TTC7B: variants seen among roughly 807,000 people sequenced by gnomAD.
TTC7B encodes the protein tetratricopeptide repeat protein 7B.
A neutral mutation model predicts 106.8 loss-of-function variants in TTC7B; 28 were observed. The observed-to-expected ratio is 0.26, with a 90% CI of 0.19 to 0.36. The LOEUF is 0.36. Among genes scored for constraint, TTC7B ranks in the 10% least tolerant of loss-of-function variants. TTC7B has a pLI of 1.00. For synonymous variants in TTC7B, 405 were observed against 430.6 expected, an observed-to-expected ratio of 0.94 and a Z score of 0.74; for missense variants, 862 against 1,076.4, an observed-to-expected ratio of 0.80 and a Z score of 2.79.
chr14:90,811,809 C>T (rs761328217), intron 1 of TTC7B, among the ~76,000 whole-genome samples: 3 of 152,186 alleles, frequency 2.0e-5, no homozygotes, highest in Non-Finnish European at 2.9e-5. Flanking sequence ...TGAACTCAGT[C>T]GCCGAGCTTG....
intron 19 of TTC7B, among the ~76,000 whole-genome samples, chr14:90,568,927 A>G (rs1475701505): frequency 1.3e-5 from 2 of 152,186 alleles, no homozygotes; most frequent in Non-Finnish European, 2.9e-5. Context: ...GATGTGAGGA[A>G]ATAGCTTACA....
At position 90,641,543 on chromosome 14, in the gene TTC7B, G is replaced by A. The variant is rs539957849; in HGVS notation, c.1751+2505C>T. 5.9e-5 allele frequency among the ~76,000 whole-genome samples: 9 copies of A among 152,372 alleles called. 1 individual carries two copies. In the East Asian group the frequency reaches 1.5e-3, roughly 26 times the overall value. On this transcript the variant is annotated intron_variant, in intron 15 of 19. Transcript: ENST00000328459. ...TTGGGAAGAAACCATGGGATCCACT[G>A]ATTACATCTGGCCCCAACTTTTAAT...
chr14:90,539,118 T>A lies in TTC7B; in HGVS notation c.*2250A>T, dbSNP rs890195343. The A allele has an allele frequency of 6.6e-6, 1 of 152,232 alleles. No homozygotes were observed. The highest frequency in any genetic ancestry group is 1.5e-5 in the Non-Finnish European group (1 of 68,068). 9.4% of individuals were successfully genotyped at this position (152,232 alleles called of 1,614,324 possible). A position where few individuals can be genotyped will look rare whatever the true frequency, so the allele number is the denominator to read the frequency against. On this transcript the variant is annotated 3_prime_UTR_variant, in exon 20 of 20. Coordinates refer to ENST00000328459, the MANE Select transcript of TTC7B (RefSeq NM_001010854.2). The stretch of plus-strand genomic sequence containing the variant: ...CACTGATACTGGGGAGCTGGAGGGC[T>A]CTGGTTGTTAAGGCTGGGCCCATGT...
chr14:90,782,972 A>G (rs192702048), intron 2 of TTC7B, among the ~76,000 whole-genome samples: 115 of 152,352 alleles, frequency 7.5e-4, no homozygotes, highest in Middle Eastern at 6.8e-3. Context: ...AACAAAAGCA[A>G]ACTGGAGAGC....
intron 19 of TTC7B, among the ~76,000 whole-genome samples, chr14:90,574,383 C>T (rs572175456): frequency 2.0e-4 from 31 of 152,332 alleles, no homozygotes; most frequent in African/African-American, 7.2e-4. Context: ...ATGCTGCTCC[C>T]GTAATACCTG....
At chr14:90,796,041 G>A (rs1256370759) in intron 1 of TTC7B, among the ~76,000 whole-genome samples, 1 of 152,056 alleles carries the variant, frequency 6.6e-6, no homozygotes, top group African/African-American at 2.4e-5. Context: ...GCGTTTGAAC[G>A]CAGGCAGTCT....
intron 19 of TTC7B, among the ~76,000 whole-genome samples, chr14:90,566,275 C>A (rs933886809): frequency 5.3e-5 from 8 of 151,266 alleles, no homozygotes; most frequent in Non-Finnish European, 1.0e-4. Context: ...ACCTGGGAGG[C>A]GGAGGTTGCA....
chr14:90,786,397 G>A lies in TTC7B; in HGVS notation c.122-69C>T, dbSNP rs923915307. On this transcript the variant is annotated intron_variant, in intron 1 of 19. Transcript: ENST00000328459. ...TGCATGTAGGACCCCCTCACTCAAG[G>A]GACCCCAGAACCACCACCCTCCGAG... 1.4e-5 allele frequency: 23 copies of A among 1,586,586 alleles called. 1 individual carries two copies. Among genetic ancestry groups the A allele is most frequent in the South Asian group, 1.1e-4 (10 of 88,718 alleles).
chr14:90,648,861 A>G (rs1268621698), intron 13 of TTC7B: 2 of 152,220 alleles, frequency 1.3e-5, no homozygotes, highest in African/African-American at 4.8e-5. Context: ...ATCTTCTTTC[A>G]CAAATAATAA....
At chr14:90,568,653 C>T (rs1890894466) in intron 19 of TTC7B, among the ~76,000 whole-genome samples, 1 of 152,172 alleles carries the variant, frequency 6.6e-6, no homozygotes, top group African/African-American at 2.4e-5. Flanking sequence ...CCATGCCTCC[C>T]TGGCCAGCAC....
At chr14:90,780,083 T>C (rs895631742) in intron 3 of TTC7B, among the ~76,000 whole-genome samples, 5 of 152,190 alleles carry the variant, frequency 3.3e-5, no homozygotes, top group African/African-American at 1.2e-4. Flanking sequence ...ATACTACTTA[T>C]CAAGAAACTT....
In TTC7B at chr14:90,807,983, TAGA is replaced by T. The variant is rs2030702539; in HGVS notation, c.121+8189_121+8191del. On this transcript the variant is annotated intron_variant, in intron 1 of 19. Transcript: ENST00000328459. The surrounding 1 kb of genome is among the most constrained non-coding windows in gnomAD (Gnocchi z 4.1). The stretch of plus-strand genomic sequence containing the variant: ...TCAGTTTAGAAAAACATTAGTGTAA[TAGA>T]AGAACAGTGAAACTAGTTGGAAGTG... Among the ~76,000 whole-genome samples the T allele has an allele frequency of 6.6e-6, 1 of 152,208 alleles. No homozygotes were observed. The highest frequency in any genetic ancestry group is 1.5e-5 in the Non-Finnish European group (1 of 68,036).
intron 1 of TTC7B, among the ~76,000 whole-genome samples, chr14:90,796,749 C>G (rs72695564): frequency 0.042 from 6,456 of 152,240 alleles, 186 homozygotes; most frequent in Non-Finnish European, 0.058. Flanking sequence ...CTGCAGCTGG[C>G]ATCCAGGAGG....
intron 14 of TTC7B, 103 bp downstream of exon 14, chr14:90,646,848 A>G: frequency 9.2e-7 from 1 of 1,091,634 alleles, no homozygotes; most frequent in Non-Finnish European, 1.4e-6. Flanking sequence ...GGTCAGCCTC[A>G]ATGGAATAAA....
At chr14:90,815,721 CA>C (rs2031132403) in intron 1 of TTC7B, among the ~76,000 whole-genome samples, 1 of 152,178 alleles carries the variant, frequency 6.6e-6, no homozygotes, top group South Asian at 2.1e-4. Context: ...CTATGTACAA[CA>C]CCCCATTCTC....
At chr14:90,613,513 T>A (rs1438835296) in intron 16 of TTC7B, among the ~76,000 whole-genome samples, 1 of 152,258 alleles carries the variant, frequency 6.6e-6, no homozygotes, top group East Asian at 1.9e-4. Context: ...AGATTTACAT[T>A]TGACTCCTAG....
At chr14:90,636,009 T>C (rs1187352332) in intron 15 of TTC7B, among the ~76,000 whole-genome samples, 3 of 150,336 alleles carry the variant, frequency 2.0e-5, no homozygotes, top group Non-Finnish European at 4.4e-5. Context: ...TAATCCCAAG[T>C]ACTCAGGAGG....
chr14:90,778,688 C>T (rs1010388450), intron 3 of TTC7B, among the ~76,000 whole-genome samples: 10 of 152,224 alleles, frequency 6.6e-5, no homozygotes, highest in African/African-American at 2.2e-4. Flanking sequence ...CCAGCACTCC[C>T]CGTAGCTCAG....
At position 90,537,374 on chromosome 14, in the gene TTC7B, G is replaced by C. The variant is rs1368865045; in HGVS notation, c.*3994C>G. 3 of 39,876 alleles carry C rather than the reference G, an allele frequency of 7.5e-5. No individual in the cohort carries two copies. The highest frequency in any genetic ancestry group is 1.6e-3 in the East Asian group (2 of 1,276). 2.5% of individuals were successfully genotyped at this position (39,876 alleles called of 1,614,324 possible). A position where few individuals can be genotyped will look rare whatever the true frequency, so the allele number is the denominator to read the frequency against. On this transcript the variant is annotated 3_prime_UTR_variant, in exon 20 of 20. Coordinates refer to ENST00000328459, the MANE Select transcript of TTC7B (RefSeq NM_001010854.2). ...GCTATTTTTTTTTTTTTGTAGAGAT[G>C]GGGGGGGGGTCTCACCATGTTGCCC...
Sources: allele counts gnomAD v4.1 joint callset (sites outside exome capture counted in the v4.1 genomes callset), GRCh38; gene constraint gnomAD v4.1.1; non-coding constraint Gnocchi (gnomAD v3.1); transcripts MANE v1.5; gene names NCBI Gene and HGNC (gene_info 2026-07-23, HGNC 2026-07-21).